PTPRT: variants seen among roughly 807,000 people sequenced by gnomAD.
The protein encoded by PTPRT is receptor-type tyrosine-protein phosphatase T.
Under a neutral mutation model 176.8 loss-of-function variants are expected in PTPRT, and 56 were observed. That is an observed-to-expected ratio of 0.32 (90% CI 0.26 to 0.40). The LOEUF is 0.40. Ranked by LOEUF, PTPRT falls within the 10% of genes least tolerant of loss-of-function variation. PTPRT has a pLI of 1.00. For synonymous variants in PTPRT, 783 were observed against 739.0 expected, an observed-to-expected ratio of 1.06 and a Z score of -0.96; for missense variants, 1,540 against 1,908.2, an observed-to-expected ratio of 0.81 and a Z score of 3.60.
chr20:43,099,643 T>C (rs1435833731), intron 1 of PTPRT, among the ~76,000 whole-genome samples: 2 of 152,176 alleles, frequency 1.3e-5, no homozygotes, highest in Non-Finnish European at 2.9e-5. Context: ...CAGCCCCACA[T>C]TGCCCACAGC....
chr20:43,046,671 T>C (rs1238653421), intron 1 of PTPRT, among the ~76,000 whole-genome samples: 1 of 151,994 alleles, frequency 6.6e-6, no homozygotes, highest in African/African-American at 2.4e-5. Flanking sequence ...ACCAGGAATC[T>C]CCCTGGACCC....
chr20:42,277,795 T>A (rs1248367700), intron 13 of PTPRT, among the ~76,000 whole-genome samples: 1 of 151,758 alleles, frequency 6.6e-6, no homozygotes, highest in Non-Finnish European at 1.5e-5. Flanking sequence ...TCACTTTTAC[T>A]CCTACCATTT....
At chr20:42,242,408 G>A (rs529989571) in intron 14 of PTPRT, among the ~76,000 whole-genome samples, 3 of 152,336 alleles carry the variant, frequency 2.0e-5, no homozygotes, top group Admixed American at 2.0e-4. Context: ...AGAATAGACA[G>A]CTGATGGTCT....
chr20:42,213,694 G>T (rs184506837), intron 15 of PTPRT, among the ~76,000 whole-genome samples: 1 of 152,296 alleles, frequency 6.6e-6, no homozygotes, highest in East Asian at 1.9e-4. Flanking sequence ...TGACAACAAA[G>T]GTGGCGATGG....
At chr20:42,590,179 G>A (rs2073544239) in intron 7 of PTPRT, among the ~76,000 whole-genome samples, 1 of 152,144 alleles carries the variant, frequency 6.6e-6, no homozygotes, top group African/African-American at 2.4e-5. Context: ...AGCCCCAGTT[G>A]AGGCCCCCAG....
At chr20:42,400,910 T>C (rs1398955828) in intron 9 of PTPRT, among the ~76,000 whole-genome samples, 1 of 151,950 alleles carries the variant, frequency 6.6e-6, no homozygotes, top group African/African-American at 2.4e-5. Flanking sequence ...GATCGGGTTT[T>C]TAACAGATGA....
At chr20:42,431,206 A>G (rs560850373) in intron 9 of PTPRT, among the ~76,000 whole-genome samples, 1 of 152,320 alleles carries the variant, frequency 6.6e-6, no homozygotes, top group South Asian at 2.1e-4. Flanking sequence ...AACCAATAAG[A>G]TCATTCAATT....
chr20:43,009,124 G>C (rs888065546), intron 1 of PTPRT, among the ~76,000 whole-genome samples: 1 of 152,150 alleles, frequency 6.6e-6, no homozygotes, highest in Admixed American at 6.5e-5. Context: ...TGGGAGCTGT[G>C]AGTCTACTTC....
At chr20:42,531,768 C>T (rs1396982991) in intron 7 of PTPRT, among the ~76,000 whole-genome samples, 2 of 152,202 alleles carry the variant, frequency 1.3e-5, no homozygotes, top group Non-Finnish European at 2.9e-5. Context: ...TGTTGGCTGT[C>T]CTCCACAGGC....
At chr20:42,280,320 T>A (rs1225533767) in intron 13 of PTPRT, among the ~76,000 whole-genome samples, 1 of 152,154 alleles carries the variant, frequency 6.6e-6, no homozygotes, top group African/African-American at 2.4e-5. Context: ...TCCCCAAGCA[T>A]CCTTCTTATC....
chr20:42,258,110 G>A (rs574199433), intron 13 of PTPRT, among the ~76,000 whole-genome samples: 6 of 152,274 alleles, frequency 3.9e-5, no homozygotes, highest in South Asian at 2.1e-4. Flanking sequence ...AAGCAGACAC[G>A]TATTTAGATC....
chr20:42,542,403 A>T (rs1568963953), intron 7 of PTPRT, among the ~76,000 whole-genome samples: 1 of 152,208 alleles, frequency 6.6e-6, no homozygotes, highest in Non-Finnish European at 1.5e-5. Flanking sequence ...GGGGGAAAAA[A>T]AATACAAATG....
intron 7 of PTPRT, among the ~76,000 whole-genome samples, chr20:42,493,064 C>G (rs2071588698): frequency 6.6e-6 from 1 of 152,128 alleles, no homozygotes; most frequent in African/African-American, 2.4e-5. Flanking sequence ...ACAAAAACAA[C>G]CATAATTTGC....
At chr20:42,346,524 A>T (rs1417860082) in intron 11 of PTPRT, among the ~76,000 whole-genome samples, 1 of 152,186 alleles carries the variant, frequency 6.6e-6, no homozygotes. Context: ...GGAAAGCAAT[A>T]CAAAAGCAAT....
chr20:42,737,044 C>T (rs1036327710), intron 6 of PTPRT, among the ~76,000 whole-genome samples: 1 of 152,174 alleles, frequency 6.6e-6, no homozygotes, highest in Non-Finnish European at 1.5e-5. Flanking sequence ...CACATGGGTG[C>T]TGCGGATTCA....
chr20:42,941,627 C>T (rs1481530508), intron 1 of PTPRT, among the ~76,000 whole-genome samples: 1 of 152,166 alleles, frequency 6.6e-6, no homozygotes, highest in Non-Finnish European at 1.5e-5. Context: ...CATGTTTGTA[C>T]CCTCCCGTCC....
At chr20:42,570,059 G>T (rs1227405551) in intron 7 of PTPRT, among the ~76,000 whole-genome samples, 1 of 152,172 alleles carries the variant, frequency 6.6e-6, no homozygotes, top group African/African-American at 2.4e-5. Flanking sequence ...AAAGCAGACA[G>T]GCTTCTGCTA....
intron 11 of PTPRT, among the ~76,000 whole-genome samples, chr20:42,347,967 G>T (rs1251364496): frequency 6.6e-6 from 1 of 152,174 alleles, no homozygotes; most frequent in East Asian, 1.9e-4. Context: ...ATTTACTGGA[G>T]CCTCAAGAGG....
chr20:42,540,141 C>G (rs1432649625), intron 7 of PTPRT, among the ~76,000 whole-genome samples: 1 of 152,120 alleles, frequency 6.6e-6, no homozygotes, highest in Non-Finnish European at 1.5e-5. Context: ...CTGATCATGT[C>G]ATACAAGTTT....
Sources: gnomAD v4.1 joint callset for allele counts (sites outside exome capture counted in the v4.1 genomes callset) on GRCh38, gnomAD v4.1.1 for gene constraint, MANE v1.5 for transcripts, NCBI Gene and HGNC (gene_info 2026-07-23, HGNC 2026-07-21) for gene names.